Variants in SRCIN1 observed in about 807,000 individuals in gnomAD.
The protein encoded by SRCIN1 is SRC kinase signaling inhibitor 1, also known as P130Cas-associated protein.
SRCIN1 carries 50 observed loss-of-function variants against 116.2 expected under a neutral mutation model. The ratio of observed to expected loss-of-function variants is 0.43; its 90% CI spans 0.34 to 0.54. The LOEUF (loss-of-function observed/expected upper bound fraction) is 0.54, where lower values mean the gene tolerates loss of function less well. Among genes scored for constraint, SRCIN1 ranks in the 20% least tolerant of loss-of-function variants. The pLI is 0.02. For synonymous variants in SRCIN1, 736 were observed against 750.0 expected, an observed-to-expected ratio of 0.98 and a Z score of 0.30; for missense variants, 1,446 against 1,672.0, an observed-to-expected ratio of 0.86 and a Z score of 2.36.
chr17:38,574,954 G>A (rs759592903), intron 2 of SRCIN1: 1 of 401,150 alleles, frequency 2.5e-6, no homozygotes. Context: ...GGCATACGGG[G>A]TCCACGGTCC....
chr17:38,606,108 C>G (rs1460718972), upstream of SRCIN1, among the ~76,000 whole-genome samples: 1 of 150,672 alleles, frequency 6.6e-6, no homozygotes, highest in Non-Finnish European at 1.5e-5. This position sits in a 1 kb window ranked among gnomAD's most constrained non-coding sequence, Gnocchi z 5.2. Flanking sequence ...CCAGCTTCAC[C>G]GCGTGATCCC....
Position 38,552,685 on chromosome 17 carries a change from A to C in SRCIN1, c.2332+40T>G. On this transcript the variant is annotated intron_variant, in intron 12 of 18. Coordinates refer to ENST00000617146, the MANE Select transcript of SRCIN1 (RefSeq NM_025248.3). This position sits in a 1 kb window ranked among gnomAD's most constrained non-coding sequence, Gnocchi z 5.3. ...TGGCTGGAGTATGGCAGACTTCCCC[A>C]CCCTGAACAACGTGCTGCATTCGCA... The C allele has an allele frequency of 6.2e-7, 1 of 1,613,000 alleles. No individual in the cohort carries two copies. The highest frequency in any genetic ancestry group is 8.5e-7 in the Non-Finnish European group (1 of 1,179,550).
rs1214870077 is a variant in SRCIN1 at position 38,551,974 on chromosome 17, C to T, written c.2639G>A (p.Gly880Glu). 1.9e-6 allele frequency: 3 copies of T among 1,613,920 alleles called. No homozygotes were observed. Among genetic ancestry groups the T allele is most frequent in the African/African-American group, 2.7e-5 (2 of 74,942 alleles). ...GCCCCCCTTGGGGGTAAGAGAGGCT[C>T]CTTCAGCTGGCCCGCTCAGCTCATG... ...NLHELSGPAE[G>E]ASLTPKGGNP... The change falls in exon 14 of 19, where the codon GGA becomes GAA. Residue 880 changes from glycine to glutamate, a missense_variant. Transcript: ENST00000617146.
chr17:38,580,335 T>C (rs1480140738), intron 1 of SRCIN1, among the ~76,000 whole-genome samples: 2 of 152,130 alleles, frequency 1.3e-5, no homozygotes, highest in African/African-American at 4.8e-5. Context: ...ATGGTTGGGT[T>C]GTGTCCATTA....
intron 1 of SRCIN1, among the ~76,000 whole-genome samples, chr17:38,596,862 G>C (rs1362109783): frequency 6.6e-6 from 1 of 152,070 alleles, no homozygotes; most frequent in Non-Finnish European, 1.5e-5. Context: ...GCCATGGCAG[G>C]GTCCCCTACA....
Position 38,544,178 on chromosome 17 carries a change from G to A in SRCIN1, c.3271-209C>T, listed in dbSNP as rs1235333894. Among the ~76,000 whole-genome samples, 1 of 152,136 alleles carries A rather than the reference G, an allele frequency of 6.6e-6. No homozygotes were observed. Among genetic ancestry groups the A allele is most frequent in the African/African-American group, 2.4e-5 (1 of 41,428 alleles). ...ATGGTCTCCCTGCAGGAGAGGGGTG[G>A]GGCCCAAGCCAGTTTCCCAACGGCT... is the stretch of plus-strand genomic sequence containing the variant. On this transcript the variant is annotated intron_variant, in intron 17 of 18. Coordinates refer to ENST00000617146, the MANE Select transcript of SRCIN1 (RefSeq NM_025248.3). The surrounding 1 kb of genome is among the most constrained non-coding windows in gnomAD (Gnocchi z 4.5).
At chr17:38,565,023 A>T (rs1425685054) in intron 3 of SRCIN1, among the ~76,000 whole-genome samples, 1 of 152,072 alleles carries the variant, frequency 6.6e-6, no homozygotes, top group Non-Finnish European at 1.5e-5. Context: ...ACATGCTGCC[A>T]CACAGCCAGC....
intron 18 of SRCIN1, among the ~76,000 whole-genome samples, chr17:38,539,282 G>A (rs1410731193): frequency 6.6e-6 from 1 of 152,114 alleles, no homozygotes; most frequent in African/African-American, 2.4e-5. Context: ...TTATGGGGGG[G>A]CTCACGTATG....
intron 1 of SRCIN1, among the ~76,000 whole-genome samples, chr17:38,588,605 G>A (rs1428686878): frequency 2.0e-5 from 3 of 152,160 alleles, no homozygotes; most frequent in Non-Finnish European, 2.9e-5. Flanking sequence ...TTCTCCCCAG[G>A]GGGCACTCCA....
intron 1 of SRCIN1, 79 bp from the exon 2 acceptor site, chr17:38,578,870 G>C: frequency 1.4e-6 from 2 of 1,409,728 alleles, no homozygotes; most frequent in Non-Finnish European, 1.9e-6. Flanking sequence ...GGGTCCCTGC[G>C]GGAAGGGGCG....
chr17:38,542,902 C>T (rs980647956), intron 18 of SRCIN1: 7 of 352,294 alleles, frequency 2.0e-5, no homozygotes, highest in African/African-American at 1.8e-4. Context: ...CTAGAACCTT[C>T]TTTAAGTGAG....
intron 2 of SRCIN1, among the ~76,000 whole-genome samples, chr17:38,571,999 GGGGAGGCTTGGCCC>G (rs1907107119): frequency 6.6e-6 from 1 of 152,142 alleles, no homozygotes; most frequent in African/African-American, 2.4e-5. Context: ...TAGGGCCCCT[GGGGAGGCTTGGCCC>G]AGCCAGCTGA....
At chr17:38,605,391 C>T (rs1909302186) in intron 1 of SRCIN1, among the ~76,000 whole-genome samples, 1 of 149,170 alleles carries the variant, frequency 6.7e-6, no homozygotes. Flanking sequence ...CCCCTCTGGC[C>T]CCCACCCCGG....
chr17:38,563,830 TG>T lies in SRCIN1; in HGVS notation c.541+287del. ...GAAGTGAGCTGAGGGAGAGAGAGGTTGGAGAGAGTTAGAGAAGGGAGATGGG... is the reference window on the plus strand; with the variant it reads ...GAAGTGAGCTGAGGGAGAGAGAGGTTGAGAGAGTTAGAGAAGGGAGATGGG... On this transcript the variant is annotated intron_variant, in intron 4 of 18. Coordinates refer to ENST00000617146, the MANE Select transcript of SRCIN1 (RefSeq NM_025248.3). The surrounding 1 kb of genome is among the most constrained non-coding windows in gnomAD (Gnocchi z 5.8). The T allele has an allele frequency of 1.6e-6, 1 of 620,954 alleles. No homozygotes were observed. Among genetic ancestry groups the T allele is most frequent in the Non-Finnish European group, 2.8e-6 (1 of 351,000 alleles). 38.5% of individuals were successfully genotyped at this position (620,954 alleles called of 1,614,324 possible). A position where few individuals can be genotyped will look rare whatever the true frequency, so the allele number is the denominator to read the frequency against.
At chr17:38,550,846 C>T (rs971926621) in intron 15 of SRCIN1, among the ~76,000 whole-genome samples, 121 of 152,252 alleles carry the variant, frequency 7.9e-4, no homozygotes, top group Non-Finnish European at 1.5e-3. Context: ...GCCCTCAACA[C>T]AGCCTGGTTT....
In SRCIN1 at chr17:38,604,490, C is replaced by A. The variant is rs746192020; in HGVS notation, c.22+1194G>T. ...CCGCGCCTGCTCACCTGGCTCCCCT[C>A]GGCCCCCAGGGTCCCTCGGTCCAGC... On this transcript the variant is annotated intron_variant, in intron 1 of 18. Transcript: ENST00000617146. The surrounding 1 kb of genome is among the most constrained non-coding windows in gnomAD (Gnocchi z 4.3). 2.2e-6 allele frequency: 1 copy of A among 454,388 alleles called. No homozygotes were observed. The highest frequency in any genetic ancestry group is 1.6e-5 in the South Asian group (1 of 64,270). 28.1% of individuals were successfully genotyped at this position (454,388 alleles called of 1,614,324 possible). A position where few individuals can be genotyped will look rare whatever the true frequency, so the allele number is the denominator to read the frequency against.
chr17:38,566,604 T>C (rs1053190041), intron 3 of SRCIN1, among the ~76,000 whole-genome samples: 8 of 152,140 alleles, frequency 5.3e-5, no homozygotes, highest in Non-Finnish European at 1.2e-4. Context: ...GTCCATAGAC[T>C]AGGGAAGAAT....
chr17:38,533,511 T>G lies in SRCIN1; in HGVS notation c.3418-80A>C, dbSNP rs2144873506. The G allele has an allele frequency of 2.4e-6, 3 of 1,261,390 alleles. No homozygotes were observed. The East Asian group carries it at 8.3e-5, about 35-fold the overall frequency. The allele number at this position is 1,261,390 out of a possible 1,614,324, so 78.1% of individuals were successfully genotyped here. A position where few individuals can be genotyped will look rare whatever the true frequency, so the allele number is the denominator to read the frequency against. ...TGGCCCCCAGCTGAAGTTTTAAAAG[T>G]GGAAAACCTCCACAAATCCAAGGAA... On this transcript the variant is annotated intron_variant, in intron 18 of 18. Coordinates refer to ENST00000617146, the MANE Select transcript of SRCIN1 (RefSeq NM_025248.3).
intron 2 of SRCIN1, among the ~76,000 whole-genome samples, chr17:38,577,826 G>A (rs9899502): frequency 0.36 from 54,642 of 152,070 alleles, 13,959 homozygotes; most frequent in African/African-American, 0.73. Flanking sequence ...AGAAGGAGAC[G>A]GGTCCTGGTC....
Sources: allele counts gnomAD v4.1 joint callset (sites outside exome capture counted in the v4.1 genomes callset), GRCh38; gene constraint gnomAD v4.1.1; non-coding constraint Gnocchi (gnomAD v3.1); transcripts MANE v1.5; gene names NCBI Gene and HGNC (gene_info 2026-07-23, HGNC 2026-07-21).